Variants in ART3 observed in about 807,000 individuals in gnomAD.
The protein encoded by ART3 is ADP-ribosyltransferase 3 (inactive), also known as ecto-ADP-ribosyltransferase 3.
ART3 carries 49 observed loss-of-function variants against 48.5 expected under a neutral mutation model. The observed-to-expected ratio is 1.01, with a 90% CI of 0.80 to 1.28. ART3 has a LOEUF of 1.28. ART3 is among the 50% of genes most tolerant of loss of function. The pLI, the probability that ART3 is intolerant of heterozygous loss-of-function variation, is 0.00. For missense variants in ART3, 438 were observed against 454.3 expected (o/e 0.96, Z 0.33); for synonymous variants, 145 against 157.2 (o/e 0.92, Z 0.58).
upstream of ART3, among the ~76,000 whole-genome samples, chr4:76,072,050 A>G (rs1410305475): frequency 6.6e-6 from 1 of 152,098 alleles, no homozygotes; most frequent in Non-Finnish European, 1.5e-5. Context: ...CCAAGTAGCT[A>G]GGACTACCGA....
intron 1 of ART3, among the ~76,000 whole-genome samples, chr4:76,066,421 C>T (rs1046343973): frequency 6.6e-6 from 1 of 152,148 alleles, no homozygotes; most frequent in Non-Finnish European, 1.5e-5. Flanking sequence ...GTTCAGCTCT[C>T]AACAGAGAGG....
At chr4:76,042,944 T>C (rs1195986803) in intron 1 of ART3, among the ~76,000 whole-genome samples, 1 of 151,420 alleles carries the variant, frequency 6.6e-6, no homozygotes, top group Non-Finnish European at 1.5e-5. Context: ...AGGGCGTGAT[T>C]GGTGCGTTTA....
intron 2 of ART3, among the ~76,000 whole-genome samples, chr4:76,079,394 G>T (rs1721931677): frequency 1.3e-5 from 2 of 152,208 alleles, no homozygotes; most frequent in Non-Finnish European, 2.9e-5. Flanking sequence ...CTGTACGATT[G>T]TAAGTTTCGT....
intron 1 of ART3, chr4:76,033,700 G>T (rs1412720589): frequency 1.3e-5 from 2 of 152,112 alleles, no homozygotes; most frequent in Non-Finnish European, 2.9e-5. Context: ...AAAAAGAAAG[G>T]TTGTGGTAGT....
At chr4:76,039,284 G>A (rs1734733742) in intron 1 of ART3, among the ~76,000 whole-genome samples, 1 of 152,112 alleles carries the variant, frequency 6.6e-6, no homozygotes, top group Admixed American at 6.6e-5. Context: ...ATTTTTAGTA[G>A]AGATGGGGTT....
intron 1 of ART3, among the ~76,000 whole-genome samples, chr4:76,050,096 T>C (rs1309965903): frequency 6.6e-6 from 1 of 152,028 alleles, no homozygotes; most frequent in Non-Finnish European, 1.5e-5. Flanking sequence ...CGGTGAGTGT[T>C]ACAGCTCATA....
intron 1 of ART3, among the ~76,000 whole-genome samples, chr4:76,069,292 T>C (rs568605817): frequency 6.2e-5 from 9 of 144,150 alleles, no homozygotes; most frequent in African/African-American, 2.6e-4. Flanking sequence ...TTCCCCATTA[T>C]ACGTCCAGCC....
chr4:76,096,985 A>G (rs1180494114), intron 3 of ART3, among the ~76,000 whole-genome samples: 3 of 152,216 alleles, frequency 2.0e-5, no homozygotes, highest in African/African-American at 7.2e-5. Flanking sequence ...TGAAGAGAGG[A>G]TTAATTGGAC....
At chr4:76,110,562 T>C (rs1729286240) in intron 11 of ART3, among the ~76,000 whole-genome samples, 1 of 139,094 alleles carries the variant, frequency 7.2e-6, no homozygotes, top group African/African-American at 2.7e-5. Context: ...ATACAGAAAA[T>C]GGAAATAGAA....
At chr4:76,085,610 A>G (rs1723374886) in intron 3 of ART3, among the ~76,000 whole-genome samples, 1 of 152,208 alleles carries the variant, frequency 6.6e-6, no homozygotes, top group Non-Finnish European at 1.5e-5. Flanking sequence ...TGGTTGAAAG[A>G]AAAAGTGTTT....
chr4:76,078,518 C>G (rs1030869419), intron 2 of ART3, among the ~76,000 whole-genome samples: 14 of 152,118 alleles, frequency 9.2e-5, no homozygotes, highest in Non-Finnish European at 4.4e-5. Context: ...GCTCAAATTC[C>G]CATGTCAGGA....
intron 1 of ART3, among the ~76,000 whole-genome samples, chr4:76,053,736 C>T (rs1736354665): frequency 1.3e-5 from 2 of 152,200 alleles, no homozygotes; most frequent in African/African-American, 4.8e-5. Flanking sequence ...TCTGCCAGCT[C>T]ATTGAATAGA....
intron 3 of ART3, among the ~76,000 whole-genome samples, chr4:76,091,370 A>G (rs1037168441): frequency 6.6e-6 from 1 of 152,230 alleles, no homozygotes; most frequent in Non-Finnish European, 1.5e-5. Flanking sequence ...CCAGGAGTGT[A>G]TAAGAGTTCT....
chr4:76,045,139 C>T (rs1022751730), intron 1 of ART3, among the ~76,000 whole-genome samples: 4 of 152,148 alleles, frequency 2.6e-5, no homozygotes, highest in East Asian at 3.9e-4. Flanking sequence ...ACCTGCCCTT[C>T]GTATCCCATT....
Position 76,081,884 on chromosome 4 carries a change from A to T in ART3, c.130A>T (p.Thr44Ser). The T allele has an allele frequency of 6.2e-7, 1 of 1,614,222 alleles. No individual in the cohort carries two copies. The highest frequency in any genetic ancestry group is 8.5e-7 in the Non-Finnish European group (1 of 1,180,036). Reference sequence around the variant, plus strand: ...ATTTGATGATGAATACCTGAAATGTACGGACAGGATGGAAATTAAATACGT... The same window carrying T: ...ATTTGATGATGAATACCTGAAATGTTCGGACAGGATGGAAATTAAATACGT... ...NAFDDEYLKC[T>S]DRMEIKYVPQ... Residue 44 changes from threonine to serine, a missense_variant, in exon 3 of 12, where the codon ACG (threonine) becomes TCG (serine). Coordinates refer to ENST00000355810, the MANE Select transcript of ART3 (RefSeq NM_001130016.3).
At position 76,068,865 on chromosome 4, in the gene ART3, G is replaced by A. The variant is rs1432413820; in HGVS notation, c.-9-7016G>A. On this transcript the variant is annotated intron_variant, in intron 1 of 9. Coordinates refer to the ART3 transcript ENST00000341029. ...GTTTTGTTTTTGTTTTTGTTTTTAA[G>A]AAATGAGGTCTCACTGTGTTGCCCC... 3.3e-5 allele frequency among the ~76,000 whole-genome samples: 5 copies of A among 152,216 alleles called. No homozygotes were observed. The East Asian group carries it at 9.6e-4, about 29-fold the overall frequency.
chr4:76,049,743 T>C (rs895638776), intron 1 of ART3, among the ~76,000 whole-genome samples: 1 of 151,802 alleles, frequency 6.6e-6, no homozygotes, highest in African/African-American at 2.4e-5. Flanking sequence ...CGATAGGCGA[T>C]GGTCTTACCG....
At chr4:76,064,779 A>C (rs547910002) in intron 1 of ART3, among the ~76,000 whole-genome samples, 18 of 152,272 alleles carry the variant, frequency 1.2e-4, no homozygotes, top group Admixed American at 1.1e-3. Flanking sequence ...TATACTAACA[A>C]TATTGCTTCA....
chr4:76,016,616 C>G (rs1166692378), intron 1 of ART3, among the ~76,000 whole-genome samples: 1 of 152,198 alleles, frequency 6.6e-6, no homozygotes, highest in Non-Finnish European at 1.5e-5. Flanking sequence ...GCTCTACCAT[C>G]AGCATGTGGA....
Sources: allele counts gnomAD v4.1 joint callset (sites outside exome capture counted in the v4.1 genomes callset), GRCh38; gene constraint gnomAD v4.1.1; transcripts MANE v1.5; gene names NCBI Gene and HGNC (gene_info 2026-07-23, HGNC 2026-07-21).